LRRFIP2: variants seen among roughly 807,000 people sequenced by gnomAD.
LRRFIP2 encodes leucine-rich repeat flightless-interacting protein 2.
In LRRFIP2, 109 loss-of-function variants were observed where a neutral mutation model predicts 125.9. The observed-to-expected ratio is 0.87, with a 90% CI of 0.74 to 1.01. LRRFIP2 has a LOEUF of 1.01. Ranked by LOEUF, LRRFIP2 falls within the 50% of genes least tolerant of loss-of-function variation. The pLI, the probability that LRRFIP2 is intolerant of heterozygous loss-of-function variation, is 0.00. For missense variants in LRRFIP2, 850 were observed against 862.3 expected, an observed-to-expected ratio of 0.99 and a Z score of 0.18; for synonymous variants, 291 against 293.1, an observed-to-expected ratio of 0.99 and a Z score of 0.07.
intron 21 of LRRFIP2, chr3:37,067,024 G>C (rs1338650436): frequency 2.0e-5 from 3 of 152,278 alleles, no homozygotes; most frequent in Non-Finnish European, 4.4e-5. Flanking sequence ...AAGCTATGAA[G>C]AGTTACAGAA....
intron 7 of LRRFIP2, 91 bp downstream of exon 7, chr3:37,114,963 G>T: frequency 9.9e-7 from 1 of 1,013,956 alleles, no homozygotes; most frequent in Non-Finnish European, 1.5e-6. Flanking sequence ...TCATAACAAA[G>T]CCATGAAAGT....
At position 37,129,124 on chromosome 3, in the gene LRRFIP2, C is replaced by A. The variant is rs769943343; in HGVS notation, c.116G>T (p.Arg39Leu). 1 of 1,613,958 alleles carries A rather than the reference C, an allele frequency of 6.2e-7. No individual in the cohort carries two copies. Among genetic ancestry groups the A allele is most frequent in the Admixed American group, 1.7e-5 (1 of 60,024 alleles). Residue 39 changes from arginine to leucine, a missense_variant, in exon 3 of 28, where the codon CGG (arginine) becomes CTG (leucine). By Grantham distance (102) the Arg-to-Leu change is moderately radical. Transcript: ENST00000336686. ...ATCTCTTGCTTCTGCCCGGGCAGCC[C>A]GTTTTGCTGCCAGCCTTGCCTCTGC... ...REAEARLAAK[R>L]AARAEARDIR...
intron 24 of LRRFIP2, among the ~76,000 whole-genome samples, chr3:37,061,981 T>C (rs1258473045): frequency 6.6e-6 from 1 of 152,206 alleles, no homozygotes; most frequent in Admixed American, 6.5e-5. Context: ...ACAGATTACA[T>C]CTTCTTTCTA....
At chr3:37,175,706 T>A (rs1246451653), upstream of LRRFIP2, 2 of 152,374 alleles carry the variant, frequency 1.3e-5, no homozygotes, top group African/African-American at 2.4e-5. Flanking sequence ...GTGCTCGTCC[T>A]GGGACAGAAC....
intron 19 of LRRFIP2, among the ~76,000 whole-genome samples, chr3:37,077,626 TAGA>T (rs2092228074): frequency 1.3e-5 from 2 of 152,160 alleles, no homozygotes; most frequent in Non-Finnish European, 2.9e-5. Flanking sequence ...GAGACAGGGA[TAGA>T]AGATTAACTT....
chr3:37,096,554 C>G, intron 16 of LRRFIP2, 62 bp downstream of exon 16: 1 of 999,726 alleles, frequency 1.0e-6, no homozygotes, highest in Admixed American at 2.0e-5. Context: ...AAATAATGAA[C>G]AAGTTACAGA....
chr3:37,138,853 A>G (rs542199199), intron 2 of LRRFIP2, among the ~76,000 whole-genome samples: 1 of 152,322 alleles, frequency 6.6e-6, no homozygotes, highest in East Asian at 1.9e-4. Context: ...TTCCTTACTA[A>G]GTTGAGAACT....
At chr3:37,154,044 G>A (rs931689918) in intron 1 of LRRFIP2, among the ~76,000 whole-genome samples, 13 of 150,682 alleles carry the variant, frequency 8.6e-5, no homozygotes, top group African/African-American at 2.2e-4. Flanking sequence ...ACATGTTGAC[G>A]AACACCTGTA....
chr3:37,163,323 C>T (rs1270969946), intron 1 of LRRFIP2, among the ~76,000 whole-genome samples: 2 of 152,184 alleles, frequency 1.3e-5, no homozygotes, highest in Non-Finnish European at 2.9e-5. Flanking sequence ...TTGACCAAGG[C>T]GTTTTCCCTT....
At chr3:37,068,455 A>G (rs888288234) in intron 21 of LRRFIP2, 2 of 152,200 alleles carry the variant, frequency 1.3e-5, no homozygotes, top group African/African-American at 4.8e-5. Flanking sequence ...TCCTCTTCCC[A>G]TAATTACAGA....
At chr3:37,115,654 C>T (rs55755638) in intron 6 of LRRFIP2, among the ~76,000 whole-genome samples, 53,357 of 151,918 alleles carry the variant, frequency 0.35, 10,527 homozygotes, top group Non-Finnish European at 0.45. Context: ...AAGAAAATGC[C>T]GATTTCTCAT....
chr3:37,055,261 G>A (rs2086485764), intron 25 of LRRFIP2, 96 bp from the exon 26 acceptor site: 1 of 701,694 alleles, frequency 1.4e-6, no homozygotes, highest in East Asian at 2.9e-5. Context: ...GGACCATGCA[G>A]TCTTAAGATT....
chr3:37,147,857 T>G (rs1043615893), intron 2 of LRRFIP2, among the ~76,000 whole-genome samples: 3 of 152,226 alleles, frequency 2.0e-5, no homozygotes, highest in African/African-American at 7.2e-5. Flanking sequence ...ATTTCCAATA[T>G]ACGGCAGGAA....
chr3:37,148,999 GT>G lies in LRRFIP2; in HGVS notation c.-17del, dbSNP rs2095935557. ...GAGTCCCCATCTTGTGTTCTTAATA[GT>G]CTTTTAACTTTGAAAGTGATTTAAC... On this transcript the variant is annotated 5_prime_UTR_variant, in exon 2 of 28. Transcript: ENST00000336686. The G allele has an allele frequency of 6.2e-7, 1 of 1,612,974 alleles. No homozygotes were observed. The highest frequency in any genetic ancestry group is 8.5e-7 in the Non-Finnish European group (1 of 1,179,676).
intron 21 of LRRFIP2, among the ~76,000 whole-genome samples, chr3:37,070,571 A>T (rs949789321): frequency 4.6e-5 from 7 of 151,782 alleles, no homozygotes; most frequent in Admixed American, 4.6e-4. Context: ...CCCCATCTCT[A>T]CTAAAAATAC....
chr3:37,116,738 T>G (rs1323757132), intron 6 of LRRFIP2, among the ~76,000 whole-genome samples: 3 of 152,140 alleles, frequency 2.0e-5, no homozygotes. Context: ...GCCCTTCCAT[T>G]CATGCCTAAT....
chr3:37,109,727 TA>T, intron 9 of LRRFIP2, 24 bp from the exon 10 acceptor site: 1 of 1,610,244 alleles, frequency 6.2e-7, no homozygotes, highest in Non-Finnish European at 8.5e-7. Flanking sequence ...ACAAAATAAA[TA>T]AGCAAAAACA....
At chr3:37,100,870 T>C (rs927800008) in intron 15 of LRRFIP2, among the ~76,000 whole-genome samples, 2 of 152,122 alleles carry the variant, frequency 1.3e-5, no homozygotes, top group African/African-American at 4.8e-5. Context: ...AGAGAGTTAT[T>C]GATTAGACCC....
At chr3:37,106,568 G>A (rs2094334367) in intron 13 of LRRFIP2, among the ~76,000 whole-genome samples, 1 of 152,190 alleles carries the variant, frequency 6.6e-6, no homozygotes, top group South Asian at 2.1e-4. Flanking sequence ...AGCTACTCAG[G>A]AGGCTGAGGC....
Sources: allele counts gnomAD v4.1 joint callset (sites outside exome capture counted in the v4.1 genomes callset), GRCh38; gene constraint gnomAD v4.1.1; transcripts MANE v1.5; gene names NCBI Gene and HGNC (gene_info 2026-07-23, HGNC 2026-07-21).